ERCC3: variants seen among roughly 807,000 people sequenced by gnomAD.
ERCC3 encodes the protein general transcription and DNA repair factor IIH helicase/translocase subunit XPB.
Under a neutral mutation model 94.2 loss-of-function variants are expected in ERCC3, and 66 were observed. The observed-to-expected ratio is 0.70, with a 90% CI of 0.57 to 0.86. ERCC3 has a LOEUF of 0.86. Among genes scored for constraint, ERCC3 ranks in the 40% least tolerant of loss-of-function variants. The probability of loss-of-function intolerance (pLI) is 0.00; values close to 1 mark genes in which losing one functional copy is unlikely to be tolerated. For missense variants in ERCC3, 829 were observed against 987.1 expected (o/e 0.84, Z 2.15); for synonymous variants, 349 against 369.1 (o/e 0.95, Z 0.63).
intron 12 of ERCC3, among the ~76,000 whole-genome samples, chr2:127,269,615 G>A (rs901327033): frequency 1.3e-5 from 2 of 151,090 alleles, no homozygotes; most frequent in South Asian, 4.1e-4. Context: ...TAGAGACGGG[G>A]TTTCACCATG....
At chr2:127,261,519 T>C (rs1361875002) in intron 12 of ERCC3, 173 bp from the exon 13 acceptor site, 1 of 667,596 alleles carries the variant, frequency 1.5e-6, no homozygotes, top group African/African-American at 1.8e-5. Flanking sequence ...CTTTTGTGCT[T>C]CCAAGGACAC....
intron 12 of ERCC3, among the ~76,000 whole-genome samples, chr2:127,267,978 A>G (rs1197118440): frequency 1.3e-5 from 2 of 151,704 alleles, no homozygotes. Flanking sequence ...TTTGAGACAG[A>G]GTCTTGCTGT....
Position 127,279,763 on chromosome 2 carries a change from A to C in ERCC3, c.1528-388T>G, listed in dbSNP as rs1056385479. Among the ~76,000 whole-genome samples the C allele has an allele frequency of 1.3e-5, 2 of 152,178 alleles. No individual in the cohort carries two copies. Among genetic ancestry groups the C allele is most frequent in the Non-Finnish European group, 2.9e-5 (2 of 68,032 alleles). On this transcript the variant is annotated intron_variant, in intron 9 of 14. Transcript: ENST00000285398. The surrounding 1 kb of genome is among the most constrained non-coding windows in gnomAD (Gnocchi z 4.7). Reference sequence around the variant, plus strand: ...TGACAGAGTGAGACCCTGTTTTAAAAAAAAAAAAATGCTATGTGAATTAGA... The same window carrying C: ...TGACAGAGTGAGACCCTGTTTTAAACAAAAAAAAATGCTATGTGAATTAGA...
At chr2:127,281,937 A>G (rs1225547609) in intron 8 of ERCC3, among the ~76,000 whole-genome samples, 1 of 152,186 alleles carries the variant, frequency 6.6e-6, no homozygotes, top group African/African-American at 2.4e-5. Flanking sequence ...TGTGGGCCCC[A>G]GAGAGGCAAC....
chr2:127,261,299 G>C lies in ERCC3; in HGVS notation c.1993C>G (p.Gln665Glu), dbSNP rs1353903104. 2 of 1,613,326 alleles carry C rather than the reference G, an allele frequency of 1.2e-6. No individual in the cohort carries two copies. The highest frequency in any genetic ancestry group is 8.5e-7 in the Non-Finnish European group (1 of 1,179,372). ...YNAFFYSLVS[Q>E]DTQEMAYSTK... Reference sequence around the variant, plus strand: ...GAGTAAGCCATTTCCTGTGTGTCCTGGGATACCAGTGAGTAGAAAAAGGCA... The same window carrying C: ...GAGTAAGCCATTTCCTGTGTGTCCTCGGATACCAGTGAGTAGAAAAAGGCA... Residue 665 changes from glutamine (Q) to glutamate (E), a missense_variant, in exon 13 of 15, where the codon CAG becomes GAG. Physicochemically the swap from Gln to Glu is conservative, Grantham distance 29 (BLOSUM62 2). Coordinates refer to ENST00000285398, the MANE Select transcript of ERCC3 (RefSeq NM_000122.2).
Position 127,258,744 on chromosome 2 carries a change from T to C in ERCC3, c.2217+552A>G, listed in dbSNP as rs1312249048. Among the ~76,000 whole-genome samples, 1 of 152,252 alleles carries C rather than the reference T, an allele frequency of 6.6e-6. No homozygotes were observed. Among genetic ancestry groups the C allele is most frequent in the Non-Finnish European group, 1.5e-5 (1 of 68,044 alleles). Reference sequence around the variant, plus strand: ...CTCACTAATTAGACCATATATTTACTTGGCCTAGAGCAGGCATATTTGTAG... The same window carrying C: ...CTCACTAATTAGACCATATATTTACCTGGCCTAGAGCAGGCATATTTGTAG... On this transcript the variant is annotated intron_variant, in intron 14 of 14. Transcript: ENST00000285398. The surrounding 1 kb of genome is among the most constrained non-coding windows in gnomAD (Gnocchi z 4.1).
intron 3 of ERCC3, 127 bp downstream of exon 3, chr2:127,292,483 T>G: frequency 1.3e-6 from 1 of 787,336 alleles, no homozygotes. Flanking sequence ...TAATCAGTCG[T>G]TATGCTCCCC....
rs986771275 is a variant in ERCC3 at position 127,258,141 on chromosome 2, C to T, written c.2218-414G>A. 6.6e-6 allele frequency among the ~76,000 whole-genome samples: 1 copy of T among 152,050 alleles called. No individual in the cohort carries two copies. The highest frequency in any genetic ancestry group is 2.4e-5 in the African/African-American group (1 of 41,388). On this transcript the variant is annotated intron_variant, in intron 14 of 14. Coordinates refer to ENST00000285398, the MANE Select transcript of ERCC3 (RefSeq NM_000122.2). The surrounding 1 kb of genome is among the most constrained non-coding windows in gnomAD (Gnocchi z 4.1). ...AGAAACAGGGTCTCGATATGTTGAC[C>T]ATGCTGGTCTCAAACTCCTGGACTC...
At position 127,271,972 on chromosome 2, in the gene ERCC3, T is replaced by A. The variant is rs989281468; in HGVS notation, c.1828-519A>T. On this transcript the variant is annotated intron_variant, in intron 11 of 14. Transcript: ENST00000285398. This position sits in a 1 kb window ranked among gnomAD's most constrained non-coding sequence, Gnocchi z 5.0. ...CACAGACATGAAGGTTTGGTGCTTA[T>A]AAGCGCCCAGCCACAATCACATAAA... Among the ~76,000 whole-genome samples the A allele has an allele frequency of 6.7e-6, 1 of 149,400 alleles. No individual in the cohort carries two copies. Among genetic ancestry groups the A allele is most frequent in the Non-Finnish European group, 1.5e-5 (1 of 67,500 alleles).
intron 10 of ERCC3, among the ~76,000 whole-genome samples, chr2:127,275,890 C>T (rs1253971979): frequency 1.3e-5 from 2 of 152,072 alleles, no homozygotes; most frequent in East Asian, 3.9e-4. Flanking sequence ...GAGGGAAGAC[C>T]GATACAAAAC....
chr2:127,282,526 TTG>T lies in ERCC3; in HGVS notation c.1343-1897_1343-1896del, dbSNP rs1684947935. Reference sequence around the variant, plus strand: ...ATAAAAAGGCATAACAGAGCTCCTTTTGAAAAATCTGTAAAACAGCACAGCAA... The same window carrying T: ...ATAAAAAGGCATAACAGAGCTCCTTTAAAAATCTGTAAAACAGCACAGCAA... On this transcript the variant is annotated intron_variant, in intron 8 of 14. Transcript: ENST00000285398. Among the ~76,000 whole-genome samples, 5 of 152,318 alleles carry T rather than the reference TTG, an allele frequency of 3.3e-5. No individual in the cohort carries two copies. The South Asian group carries it at 1.0e-3, about 32-fold the overall frequency.
In ERCC3 at chr2:127,280,898, C is replaced by T. The variant is rs55996918; in HGVS notation, c.1343-267G>A. 7.6e-4 allele frequency: 393 copies of T among 520,374 alleles called. 2 individuals carry two copies. Among genetic ancestry groups the T allele is most frequent in the African/African-American group, 7.1e-3 (373 of 52,222 alleles). The allele number at this position is 520,374 out of a possible 1,614,324, so 32.2% of individuals were successfully genotyped here. ...GGCTTATGACACCACCTGAACTAAC[C>T]CTTGGGTTTCAGGACCACAGAAGCT... On this transcript the variant is annotated intron_variant, in intron 8 of 14. Transcript: ENST00000285398. The surrounding 1 kb of genome is among the most constrained non-coding windows in gnomAD (Gnocchi z 6.3).
chr2:127,277,435 T>C lies in ERCC3; in HGVS notation c.1730+1738A>G, dbSNP rs1413691565. On this transcript the variant is annotated intron_variant, in intron 10 of 14. Coordinates refer to ENST00000285398, the MANE Select transcript of ERCC3 (RefSeq NM_000122.2). The surrounding 1 kb of genome is among the most constrained non-coding windows in gnomAD (Gnocchi z 5.1). Reference sequence around the variant, plus strand: ...GGCCGGGCATGGTGGCTCACACCTGTAATCCCAGCACTTTGGAAGGCCGAG... The same window carrying C: ...GGCCGGGCATGGTGGCTCACACCTGCAATCCCAGCACTTTGGAAGGCCGAG... Among the ~76,000 whole-genome samples the C allele has an allele frequency of 2.0e-5, 3 of 152,218 alleles. No homozygotes were observed. Among genetic ancestry groups the C allele is most frequent in the Non-Finnish European group, 4.4e-5 (3 of 68,032 alleles).
In ERCC3 at chr2:127,288,647, T is replaced by C. The variant is rs763595445; in HGVS notation, c.1027+13A>G. ...AACAGCCTGACCACCTTCTTAACTC[T>C]GGTACCACTTACCGCAGGGAAGAAC... On this transcript the variant is annotated intron_variant, in intron 7 of 14. Coordinates refer to ENST00000285398, the MANE Select transcript of ERCC3 (RefSeq NM_000122.2). The C allele has an allele frequency of 7.8e-5, 125 of 1,612,006 alleles. No individual in the cohort carries two copies. Among genetic ancestry groups the C allele is most frequent in the Non-Finnish European group, 1.0e-4 (118 of 1,178,208 alleles).
At position 127,257,520 on chromosome 2, in the gene ERCC3, G is replaced by A; in HGVS notation, c.*76C>T. 1 of 1,594,024 alleles carries A rather than the reference G, an allele frequency of 6.3e-7. No homozygotes were observed. Among genetic ancestry groups the A allele is most frequent in the Non-Finnish European group, 8.6e-7 (1 of 1,163,834 alleles). On this transcript the variant is annotated 3_prime_UTR_variant, in exon 15 of 15. Transcript: ENST00000285398. The surrounding 1 kb of genome is among the most constrained non-coding windows in gnomAD (Gnocchi z 5.4). ...GGAGGGAAGGTCAAAGAGGTGGAAGGAAAATGTTATGCTGAAAATCCCTTT... is the reference window on the plus strand; with the variant it reads ...GGAGGGAAGGTCAAAGAGGTGGAAGAAAAATGTTATGCTGAAAATCCCTTT...
chr2:127,292,727 T>TA lies in ERCC3; in HGVS notation c.353dup (p.Thr119AsnfsTer17). On this transcript the variant is annotated frameshift_variant, in exon 3 of 15. Transcript: ENST00000285398. LOFTEE classifies it high-confidence loss of function. Reference sequence around the variant, plus strand: ...CAGCTGCATACAAGGAGTAGGCAGTTAGTTTGTACTCATGCACATGGGTTG... The same window carrying TA: ...CAGCTGCATACAAGGAGTAGGCAGTTAAGTTTGTACTCATGCACATGGGTTG... 2 of 1,614,138 alleles carry TA rather than the reference T, an allele frequency of 1.2e-6. No individual in the cohort carries two copies. The highest frequency in any genetic ancestry group is 1.7e-6 in the Non-Finnish European group (2 of 1,180,006).
chr2:127,273,723 T>G (rs919713821), intron 10 of ERCC3, among the ~76,000 whole-genome samples: 3 of 104,576 alleles, frequency 2.9e-5, no homozygotes, highest in African/African-American at 1.2e-4. Flanking sequence ...CACTCCACCC[T>G]GGGAAACAAG....
chr2:127,272,879 T>C lies in ERCC3; in HGVS notation c.1813A>G (p.Ile605Val). ...GCCACACAAACCTTGGATATGAAGA[T>C]GGTGTTAATTTTGGGGTTGTGCTTG... ...NFKHNPKINT[I>V]FISKVGDTSF... The change falls in exon 11 of 15, where the codon ATC becomes GTC. Residue 605 changes from isoleucine (I) to valine (V), a missense_variant. By Grantham distance (29) the Ile-to-Val change is conservative. Transcript: ENST00000285398. 2.5e-6 allele frequency: 4 copies of C among 1,612,006 alleles called. No homozygotes were observed. The highest frequency in any genetic ancestry group is 1.3e-5 in the African/African-American group (1 of 74,974).
Position 127,264,847 on chromosome 2 carries a change from AT to A in ERCC3, c.1946-3502del, listed in dbSNP as rs566656100. ...GGTCCAGGACTTTTTTAGTTGGTAG[AT>A]TTTTTTTTTTTTTTTTGGAGGCGGA... On this transcript the variant is annotated intron_variant, in intron 12 of 14. Transcript: ENST00000285398. This position sits in a 1 kb window ranked among gnomAD's most constrained non-coding sequence, Gnocchi z 4.4. Among the ~76,000 whole-genome samples, 6,808 of 138,444 alleles carry A rather than the reference AT, an allele frequency of 0.049. 132 individuals carry two copies. The highest frequency in any genetic ancestry group is 0.075 in the Middle Eastern group (20 of 268). The allele number at this position is 138,444 out of a possible 152,430, so 90.8% of individuals were successfully genotyped here.
Sources: gnomAD v4.1 joint callset for allele counts (sites outside exome capture counted in the v4.1 genomes callset) on GRCh38, gnomAD v4.1.1 for gene constraint, Gnocchi (gnomAD v3.1) non-coding constraint, MANE v1.5 for transcripts, NCBI Gene and HGNC (gene_info 2026-07-23, HGNC 2026-07-21) for gene names.